Variants in NPR3 observed in about 807,000 individuals in gnomAD.
The protein encoded by NPR3 is atrial natriuretic peptide receptor 3.
A neutral mutation model predicts 54.5 loss-of-function variants in NPR3; 34 were observed. The ratio of observed to expected loss-of-function variants is 0.62; its 90% CI spans 0.47 to 0.83. The LOEUF (loss-of-function observed/expected upper bound fraction) is 0.83. Among genes scored for constraint, NPR3 ranks in the 40% least tolerant of loss-of-function variants. The pLI, the probability that NPR3 is intolerant of heterozygous loss-of-function variation, is 0.00. For synonymous variants in NPR3, 289 were observed against 297.1 expected (o/e 0.97, Z 0.28); for missense variants, 674 against 720.8 (o/e 0.94, Z 0.74).
chr5:32,723,692 G>T (rs571493471), intron 1 of NPR3, among the ~76,000 whole-genome samples: 1 of 152,120 alleles, frequency 6.6e-6, no homozygotes, highest in East Asian at 1.9e-4. Flanking sequence ...TTTTTTAAAA[G>T]AACTTTATTT....
At chr5:32,716,255 A>G in intron 1 of NPR3, 1 of 309,274 alleles carries the variant, frequency 3.2e-6, no homozygotes, top group South Asian at 2.9e-5. Context: ...AGAAAACTAC[A>G]CAAGGTTTAT....
intron 1 of NPR3, among the ~76,000 whole-genome samples, chr5:32,701,718 C>T (rs1305591694): frequency 6.6e-6 from 1 of 152,194 alleles, no homozygotes; most frequent in Non-Finnish European, 1.5e-5. Flanking sequence ...GTCACTGCAT[C>T]TGTATCTGCA....
At chr5:32,713,510 T>C (rs905482867) in intron 1 of NPR3, 1 of 951,786 alleles carries the variant, frequency 1.1e-6, no homozygotes. Flanking sequence ...AGTCAGGGAT[T>C]AGGAGCACTG....
intron 4 of NPR3, among the ~76,000 whole-genome samples, chr5:32,779,710 C>G (rs1426315298): frequency 6.6e-6 from 1 of 152,200 alleles, no homozygotes; most frequent in Non-Finnish European, 1.5e-5. Context: ...CTCCCTGATT[C>G]TCCAACTTGT....
chr5:32,725,606 TG>T (rs1346733839), intron 2 of NPR3, among the ~76,000 whole-genome samples: 1 of 152,180 alleles, frequency 6.6e-6, no homozygotes. Flanking sequence ...CAGTGAGATT[TG>T]GGCAGAATTT....
At chr5:32,753,635 T>C (rs1740689471) in intron 3 of NPR3, among the ~76,000 whole-genome samples, 1 of 149,140 alleles carries the variant, frequency 6.7e-6, no homozygotes, top group South Asian at 2.1e-4. Context: ...TTTTTTTTTT[T>C]TTTTTTTTTT....
rs1247584310 is a variant in NPR3 at position 32,712,067 on chromosome 5, T to C, written c.291T>C (p.Thr97=). 1 of 1,613,864 alleles carries C rather than the reference T, an allele frequency of 6.2e-7. No homozygotes were observed. Among genetic ancestry groups the C allele is most frequent in the South Asian group, 1.1e-5 (1 of 91,090 alleles). ...GGAGGCGGCTTCTGCCGCCGGGCAC[T>C]CGCTTCCAGGTGGCTTACGAGGATT... ...GTGRRLLPPG[T]RFQVAYEDSD... is the part of the protein sequence containing the mutation. Residue 97 remains threonine, a synonymous_variant, in exon 1 of 8, where the codon ACT becomes ACC. Coordinates refer to ENST00000265074, the MANE Select transcript of NPR3 (RefSeq NM_001204375.2).
intron 1 of NPR3, among the ~76,000 whole-genome samples, chr5:32,695,639 A>G (rs1364205472): frequency 2.6e-5 from 4 of 152,230 alleles, no homozygotes; most frequent in Non-Finnish European, 5.9e-5. Context: ...ATTCCCACCA[A>G]CAGTGTACAA....
chr5:32,781,036 CA>C (rs1451288243), intron 5 of NPR3, among the ~76,000 whole-genome samples: 1 of 152,070 alleles, frequency 6.6e-6, no homozygotes, highest in Non-Finnish European at 1.5e-5. Context: ...GGCCAAGAAT[CA>C]CACCTTAGTC....
intron 2 of NPR3, among the ~76,000 whole-genome samples, chr5:32,733,075 C>A (rs979638653): frequency 3.3e-5 from 5 of 152,094 alleles, no homozygotes; most frequent in Non-Finnish European, 5.9e-5. Context: ...GAACTCCTGA[C>A]CTCAGATGAT....
chr5:32,775,294 ATTT>A (rs3066363), intron 4 of NPR3, among the ~76,000 whole-genome samples: 32,398 of 145,082 alleles, frequency 0.22, 3,547 homozygotes, highest in South Asian at 0.27. Context: ...AGGCCTCTGC[ATTT>A]TTTTTTTTTT....
intron 1 of NPR3, among the ~76,000 whole-genome samples, chr5:32,695,486 T>C (rs1740507955): frequency 6.6e-6 from 1 of 152,228 alleles, no homozygotes; most frequent in Non-Finnish European, 1.5e-5. Flanking sequence ...GTCAGGATGA[T>C]CTGGATCTCC....
At position 32,789,484 on chromosome 5, in the gene NPR3, A is replaced by T. The variant is rs140978206; in HGVS notation, c.*3139A>T. 4 of 534,514 alleles carry T rather than the reference A, an allele frequency of 7.5e-6. No homozygotes were observed. Among genetic ancestry groups the T allele is most frequent in the Non-Finnish European group, 1.5e-5 (4 of 260,068 alleles). The allele number at this position is 534,514 out of a possible 1,614,324, so 33.1% of individuals were successfully genotyped here. A position where few individuals can be genotyped will look rare whatever the true frequency, so the allele number is the denominator to read the frequency against. Reference sequence around the variant, plus strand: ...TTGAACCACAGGAATGGTTCTACAGACCCTACTATAATTCTTCACATTTCA... The same window carrying T: ...TTGAACCACAGGAATGGTTCTACAGTCCCTACTATAATTCTTCACATTTCA... On this transcript the variant is annotated 3_prime_UTR_variant, in exon 8 of 8. Coordinates refer to ENST00000265074, the MANE Select transcript of NPR3 (RefSeq NM_001204375.2).
intron 3 of NPR3, among the ~76,000 whole-genome samples, chr5:32,757,436 T>C (rs1740906396): frequency 6.6e-6 from 1 of 152,250 alleles, no homozygotes; most frequent in Admixed American, 6.5e-5. Flanking sequence ...CTTGTGATTT[T>C]TGTACATTGA....
At chr5:32,716,896 G>T (rs1293555504) in intron 1 of NPR3, 1 of 152,766 alleles carries the variant, frequency 6.5e-6, no homozygotes, top group Non-Finnish European at 1.5e-5. Context: ...TGCACAACGT[G>T]CAGGTTTGAT....
intron 3 of NPR3, 92 bp downstream of exon 3, chr5:32,739,122 T>A (rs1203099341): frequency 7.7e-7 from 1 of 1,302,134 alleles, no homozygotes; most frequent in East Asian, 2.3e-5. Context: ...TTCTGAGCCA[T>A]TCAAAAATTC....
At chr5:32,695,935 A>G (rs1424906672) in intron 1 of NPR3, among the ~76,000 whole-genome samples, 1 of 152,126 alleles carries the variant, frequency 6.6e-6, no homozygotes, top group Non-Finnish European at 1.5e-5. Flanking sequence ...CCCTTGTCAG[A>G]TGGATAGTTT....
chr5:32,717,157 T>C (rs1561079997), intron 1 of NPR3, among the ~76,000 whole-genome samples: 1 of 152,210 alleles, frequency 6.6e-6, no homozygotes, highest in East Asian at 1.9e-4. Flanking sequence ...TCCAGCTTCA[T>C]CCATTTCCCT....
chr5:32,709,544 A>G (rs992498284), upstream of NPR3: 3 of 151,962 alleles, frequency 2.0e-5, no homozygotes, highest in African/African-American at 7.3e-5. Flanking sequence ...ATTAAATTTT[A>G]TACAGATGTC....
Sources: allele counts gnomAD v4.1 joint callset (sites outside exome capture counted in the v4.1 genomes callset), GRCh38; gene constraint gnomAD v4.1.1; transcripts MANE v1.5; gene names NCBI Gene and HGNC (gene_info 2026-07-23, HGNC 2026-07-21).